The following ROBO2 variants were observed in gnomAD, a reference collection of about 807,000 sequenced individuals.
The protein encoded by ROBO2 is roundabout guidance receptor 2, also known as roundabout homolog 2.
ROBO2 carries 53 observed loss-of-function variants against 160.8 expected under a neutral mutation model. The ratio of observed to expected loss-of-function variants is 0.33; its 90% CI spans 0.26 to 0.41. The LOEUF (loss-of-function observed/expected upper bound fraction) is 0.41. ROBO2 is among the 10% of genes least tolerant of loss of function. The pLI is 1.00. For synonymous variants in ROBO2, 664 were observed against 611.7 expected (o/e 1.09, Z -1.26); for missense variants, 1,577 against 1,722.4 (o/e 0.92, Z 1.49).
chr3:76,146,512 C>G (rs1307907096), intron 2 of ROBO2, among the ~76,000 whole-genome samples: 1 of 151,816 alleles, frequency 6.6e-6, no homozygotes, highest in Admixed American at 6.6e-5. Flanking sequence ...TTAAATAACT[C>G]ACTAGATTAG....
intron 2 of ROBO2, among the ~76,000 whole-genome samples, chr3:76,900,985 G>A (rs1242344222): frequency 1.3e-5 from 2 of 152,098 alleles, no homozygotes; most frequent in African/African-American, 4.8e-5. Flanking sequence ...TATTGCTTAG[G>A]AATAAATTAA....
chr3:77,173,291 T>C (rs2079812769), intron 2 of ROBO2, among the ~76,000 whole-genome samples: 1 of 152,160 alleles, frequency 6.6e-6, no homozygotes, highest in South Asian at 2.1e-4. Context: ...CACTGTCAAA[T>C]ATTTATTTTT....
chr3:76,284,997 A>G (rs1466805962), intron 2 of ROBO2, among the ~76,000 whole-genome samples: 2 of 152,138 alleles, frequency 1.3e-5, no homozygotes, highest in African/African-American at 4.8e-5. Flanking sequence ...AACCCTATCC[A>G]TTCCATCATG....
intron 2 of ROBO2, among the ~76,000 whole-genome samples, chr3:76,337,070 T>C (rs1306000086): frequency 6.6e-6 from 1 of 152,132 alleles, no homozygotes; most frequent in African/African-American, 2.4e-5. Flanking sequence ...AGTTATCCAT[T>C]TAAAAACTGA....
In ROBO2 at chr3:77,454,122, T is replaced by C. The variant is rs1401535487; in HGVS notation, c.389-23292T>C. On this transcript the variant is annotated intron_variant, in intron 2 of 25. Coordinates refer to ENST00000461745, the Ensembl canonical transcript of ROBO2. ...CCTCAAAGTCTTCTTACTCTGGGCT[T>C]TTTTTTTTTTTTAATACTTGCCGGT... Among the ~76,000 whole-genome samples, 949 of 109,608 alleles carry C rather than the reference T, an allele frequency of 8.7e-3. 13 individuals carry two copies. The highest frequency in any genetic ancestry group is 0.026 in the African/African-American group (901 of 34,912). The allele number at this position is 109,608 out of a possible 152,430, so 71.9% of individuals were successfully genotyped here.
At chr3:76,930,851 C>A (rs1410407645) in intron 2 of ROBO2, among the ~76,000 whole-genome samples, 2 of 152,220 alleles carry the variant, frequency 1.3e-5, no homozygotes, top group Admixed American at 6.5e-5. Flanking sequence ...TAAGAGCAAT[C>A]TTCTCTACTC....
chr3:76,623,522 C>A (rs1215986027), intron 2 of ROBO2, among the ~76,000 whole-genome samples: 2 of 152,118 alleles, frequency 1.3e-5, no homozygotes, highest in South Asian at 2.1e-4. Flanking sequence ...CTAATGCATA[C>A]CAGCAATTTT....
intron 2 of ROBO2, among the ~76,000 whole-genome samples, chr3:76,102,529 A>C (rs1051149548): frequency 1.3e-5 from 2 of 152,224 alleles, no homozygotes; most frequent in African/African-American, 4.8e-5. Flanking sequence ...CAGAAAAGTC[A>C]TACTCACTTG....
chr3:76,166,486 T>G (rs182106315), intron 2 of ROBO2, among the ~76,000 whole-genome samples: 22 of 152,262 alleles, frequency 1.4e-4, no homozygotes, highest in Non-Finnish European at 2.8e-4. Context: ...TATTCTAATT[T>G]CACAGCCGTT....
chr3:77,450,758 C>G (rs544521678), intron 2 of ROBO2, among the ~76,000 whole-genome samples: 119 of 152,084 alleles, frequency 7.8e-4, no homozygotes, highest in African/African-American at 2.7e-3. Context: ...TAAGTCGAGG[C>G]AAGTTAAAGG....
At chr3:76,796,991 A>G (rs1179261437) in intron 2 of ROBO2, among the ~76,000 whole-genome samples, 1 of 152,178 alleles carries the variant, frequency 6.6e-6, no homozygotes, top group Non-Finnish European at 1.5e-5. Flanking sequence ...TGTCAATACA[A>G]TAATAGCTAG....
chr3:77,621,407 C>A (rs983358349), intron 22 of ROBO2, among the ~76,000 whole-genome samples: 8 of 151,522 alleles, frequency 5.3e-5, no homozygotes, highest in Non-Finnish European at 1.2e-4. Flanking sequence ...TCCTGGGTGG[C>A]AGAACAAGAC....
chr3:76,183,402 A>G (rs1196917853), intron 2 of ROBO2, among the ~76,000 whole-genome samples: 1 of 152,164 alleles, frequency 6.6e-6, no homozygotes, highest in Non-Finnish European at 1.5e-5. Flanking sequence ...TCAATGGGAG[A>G]AATAGCACGG....
chr3:76,726,955 G>C (rs2093561736), intron 2 of ROBO2, among the ~76,000 whole-genome samples: 1 of 152,130 alleles, frequency 6.6e-6, no homozygotes, highest in Non-Finnish European at 1.5e-5. Context: ...ATTACAACCT[G>C]AATTATTTAT....
chr3:76,714,453 G>C (rs1398600596), intron 2 of ROBO2, among the ~76,000 whole-genome samples: 5 of 152,242 alleles, frequency 3.3e-5, no homozygotes, highest in Middle Eastern at 3.4e-3. Flanking sequence ...GACTAAAGAG[G>C]AAGTTTAAAC....
At chr3:76,931,033 A>C (rs1487232223) in intron 2 of ROBO2, among the ~76,000 whole-genome samples, 1 of 152,146 alleles carries the variant, frequency 6.6e-6, no homozygotes, top group Non-Finnish European at 1.5e-5. Flanking sequence ...GAGAGTTGGA[A>C]TTTTCATCTC....
chr3:76,175,542 A>C (rs2107047907), intron 2 of ROBO2, among the ~76,000 whole-genome samples: 1 of 152,226 alleles, frequency 6.6e-6, no homozygotes, highest in African/African-American at 2.4e-5. Flanking sequence ...ATAATGACAT[A>C]ATGTAGGGAC....
intron 21 of ROBO2, among the ~76,000 whole-genome samples, chr3:77,611,826 C>T (rs1176374140): frequency 2.0e-5 from 3 of 152,144 alleles, no homozygotes; most frequent in African/African-American, 7.2e-5. Context: ...CTTCTCTCAG[C>T]TTGACAAAAA....
At chr3:76,412,480 A>G (rs114176301) in intron 2 of ROBO2, among the ~76,000 whole-genome samples, 16 of 152,330 alleles carry the variant, frequency 1.1e-4, no homozygotes, top group Non-Finnish European at 1.9e-4. Context: ...CCTTCCTGCT[A>G]TGAGCTTGTA....
Sources: gnomAD v4.1 joint callset for allele counts (sites outside exome capture counted in the v4.1 genomes callset) on GRCh38, gnomAD v4.1.1 for gene constraint, MANE v1.5 for transcripts, NCBI Gene and HGNC (gene_info 2026-07-23, HGNC 2026-07-21) for gene names.